CCDC71: variants seen among roughly 807,000 people sequenced by gnomAD.
CCDC71 encodes coiled-coil domain-containing protein 71.
For synonymous variants in CCDC71, 257 were observed against 242.2 expected (o/e 1.06, Z -0.57); for missense variants, 594 against 604.0 (o/e 0.98, Z 0.17).
At position 49,163,291 on chromosome 3, in the gene CCDC71, A is replaced by T. The variant is rs557155356; in HGVS notation, c.918T>A (p.Ala306=). 9 of 1,590,672 alleles carry T rather than the reference A, an allele frequency of 5.7e-6. No homozygotes were observed. Among genetic ancestry groups the T allele is most frequent in the Non-Finnish European group, 7.7e-6 (9 of 1,161,480 alleles). Residue 306 remains alanine (A), a synonymous_variant, in exon 2 of 2, where the codon GCT becomes GCA. Coordinates refer to ENST00000321895, the MANE Select transcript of CCDC71 (RefSeq NM_022903.4). ...CCTTGGCCTTGGCCCGGGCCTTAGC[A>T]GCCTTGGCCTGTGTTCGAGCCACCT... ...QAKVARTQAK[A]AKARAKAKAA...
chr3:49,164,739 C>T lies in CCDC71; in HGVS notation c.-52-479G>A, dbSNP rs138870663. Among the ~76,000 whole-genome samples, 589 of 152,178 alleles carry T rather than the reference C, an allele frequency of 3.9e-3. 4 individuals are homozygous for T. Among genetic ancestry groups the T allele is most frequent in the Middle Eastern group, 0.01 (3 of 294 alleles). Reference sequence around the variant, plus strand: ...GATTCCTGGGAGAGACAACACCTAGCTAGGATATGAGTGATGAATGAAAAA... The same window carrying T: ...GATTCCTGGGAGAGACAACACCTAGTTAGGATATGAGTGATGAATGAAAAA... On this transcript the variant is annotated intron_variant, in intron 1 of 1. Transcript: ENST00000321895.
rs780161913 is a variant in CCDC71, at chr3:49,163,128, T to A, written c.1081A>T (p.Arg361Trp). 1 of 1,614,242 alleles carries A rather than the reference T, an allele frequency of 6.2e-7. No individual in the cohort carries two copies. Among genetic ancestry groups the A allele is most frequent in the Non-Finnish European group, 8.5e-7 (1 of 1,180,046 alleles). Residue 361 changes from arginine to tryptophan, a missense_variant, in exon 2 of 2, where the codon AGG (arginine) becomes TGG (tryptophan). Transcript: ENST00000321895. Reference protein sequence around the residue: ...AKAKVARTQPRGRGRPKGSAK... With the variant: ...AKAKVARTQPWGRGRPKGSAK... ...GATCCCTTTGGCCTGCCTCTGCCCC[T>A]GGGCTGGGTCCGAGCCACCTTGGCC...
In CCDC71 at chr3:49,162,731, G is replaced by A. The variant is rs999930610; in HGVS notation, c.*74C>T. On this transcript the variant is annotated 3_prime_UTR_variant, in exon 2 of 2. Transcript: ENST00000321895. The stretch of plus-strand genomic sequence containing the variant: ...GAGTCCTCAAGATTGTGGAGTCCAC[G>A]GACATAGCACACTGTGCCACTAGCC... The A allele has an allele frequency of 2.9e-4, 427 of 1,472,056 alleles. 2 individuals are homozygous for A. The highest frequency in any genetic ancestry group is 1.2e-3 in the East Asian group (49 of 41,246). The allele number at this position is 1,472,056 out of a possible 1,614,324, so 91.2% of individuals were successfully genotyped here. A position where few individuals can be genotyped will look rare whatever the true frequency, so the allele number is the denominator to read the frequency against.
At position 49,164,266 on chromosome 3, in the gene CCDC71, A is replaced by G. The variant is rs1229756859; in HGVS notation, c.-52-6T>C. The G allele has an allele frequency of 6.5e-7, 1 of 1,534,240 alleles. No individual in the cohort carries two copies. Among genetic ancestry groups the G allele is most frequent in the African/African-American group, 1.4e-5 (1 of 73,224 alleles). Reference sequence around the variant, plus strand: ...CGCAAACCAGCGCTTGGCACCTCCAAGACAAGAGGAAAAGAGTCAATAAGA... The same window carrying G: ...CGCAAACCAGCGCTTGGCACCTCCAGGACAAGAGGAAAAGAGTCAATAAGA... On this transcript the variant is annotated splice_polypyrimidine_tract_variant and splice_region_variant and intron_variant, in intron 1 of 1. Transcript: ENST00000321895.
intron 1 of CCDC71, among the ~76,000 whole-genome samples, chr3:49,165,257 G>A (rs1208564753): frequency 6.6e-6 from 1 of 152,324 alleles, no homozygotes; most frequent in South Asian, 2.1e-4. Flanking sequence ...TGAGTCAAGG[G>A]GACATTAGCG....
At position 49,163,815 on chromosome 3, in the gene CCDC71, C is replaced by A. The variant is rs745468111; in HGVS notation, c.394G>T (p.Ala132Ser). ...SGRLAKASTP[A>S]LAKHATTNLL... is the part of the protein sequence containing the mutation. ...TTGGTGGTAGCATGCTTGGCAAGGGCTGGTGTGGATGCTTTGGCCAGTCTG... is the reference window on the plus strand; with the variant it reads ...TTGGTGGTAGCATGCTTGGCAAGGGATGGTGTGGATGCTTTGGCCAGTCTG... The change falls in exon 2 of 2, where the codon GCC becomes TCC. Residue 132 changes from alanine to serine, a missense_variant. Ala to Ser is a moderately conservative substitution (Grantham distance 99). Coordinates refer to ENST00000321895, the MANE Select transcript of CCDC71 (RefSeq NM_022903.4). The A allele has an allele frequency of 5.6e-6, 9 of 1,614,126 alleles. No homozygotes were observed. The highest frequency in any genetic ancestry group is 6.8e-6 in the Non-Finnish European group (8 of 1,180,026).
intron 1 of CCDC71, among the ~76,000 whole-genome samples, chr3:49,165,352 C>T (rs1248631405): frequency 6.6e-6 from 1 of 152,198 alleles, no homozygotes; most frequent in Non-Finnish European, 1.5e-5. Flanking sequence ...CTAACTACTC[C>T]CAGACTTCTT....
rs773741060 is a variant in CCDC71 at position 49,163,929 on chromosome 3, T to C, written c.280A>G (p.Thr94Ala). Residue 94 changes from threonine (T) to alanine (A), a missense_variant, in exon 2 of 2, where the codon ACT becomes GCT. Thr to Ala is a moderately conservative substitution (Grantham distance 58, BLOSUM62 0). Transcript: ENST00000321895. Reference sequence around the variant, plus strand: ...GCACTGGCTGGAGGTGATGTGGCAGTTGGGTTAGGGGCACGAGCTTGCAGT... The same window carrying C: ...GCACTGGCTGGAGGTGATGTGGCAGCTGGGTTAGGGGCACGAGCTTGCAGT... ...TKLQARAPNP[T>A]ATSPPASAPR... 8.2e-5 allele frequency: 133 copies of C among 1,613,796 alleles called. No individual in the cohort carries two copies. The Admixed American group carries it at 2.2e-3, about 27-fold the overall frequency.
Position 49,163,205 on chromosome 3 carries a change from A to ACTTTGG in CCDC71, c.998_1003dup (p.Ala333_Lys334dup), listed in dbSNP as rs1560085717. 6.4e-7 allele frequency: 1 copy of ACTTTGG among 1,572,208 alleles called. No individual in the cohort carries two copies. The highest frequency in any genetic ancestry group is 8.7e-7 in the Non-Finnish European group (1 of 1,149,874). On this transcript the variant is annotated inframe_insertion, in exon 2 of 2. Coordinates refer to ENST00000321895, the MANE Select transcript of CCDC71 (RefSeq NM_022903.4). ...CTTGGCCTTGGCCCATGCTGCCATG[A>ACTTTGG]CTTTGGCCTTGGCCTTGACCTGTGC...
rs200371442 is a variant in CCDC71 at position 49,162,901 on chromosome 3, C to T, written c.1308G>A (p.Ser436=). Residue 436 remains serine (S), a synonymous_variant, in exon 2 of 2, where the codon TCG becomes TCA. Coordinates refer to ENST00000321895, the MANE Select transcript of CCDC71 (RefSeq NM_022903.4). ...FRAIKVDRRS[S]DDEVRQRAQR... is the part of the protein sequence containing the mutation. The stretch of plus-strand genomic sequence containing the variant: ...GAGCCCGCTGCCGCACCTCATCATC[C>T]GAGGACCGCCTATCTACCTTTATGG... The T allele has an allele frequency of 1.4e-5, 22 of 1,614,252 alleles. 1 individual carries two copies. The Middle Eastern group carries it at 8.2e-4, about 61-fold the overall frequency.
chr3:49,163,586 G>C lies in CCDC71; in HGVS notation c.623C>G (p.Ser208Cys). Residue 208 changes from serine to cysteine, a missense_variant, in exon 2 of 2, where the codon TCT (serine) becomes TGT (cysteine). By Grantham distance (112) the Ser-to-Cys change is moderately radical (BLOSUM62 -1). Coordinates refer to ENST00000321895, the MANE Select transcript of CCDC71 (RefSeq NM_022903.4). ...AQSLQLSLADSPLKLRKSSGK... is the reference protein window; with the variant it reads ...AQSLQLSLADCPLKLRKSSGK... ...TGAACTTTTCCGCAGTTTCAGAGGA[G>C]AGTCTGCAAGTGAGAGCTGCAGTGA... 1.9e-6 allele frequency: 3 copies of C among 1,614,236 alleles called. No individual in the cohort carries two copies. The highest frequency in any genetic ancestry group is 2.5e-6 in the Non-Finnish European group (3 of 1,180,044).
At chr3:49,165,638 C>A (rs1409218058) in intron 1 of CCDC71, among the ~76,000 whole-genome samples, 8 of 152,268 alleles carry the variant, frequency 5.3e-5, no homozygotes, top group South Asian at 2.1e-4. Flanking sequence ...CACTTCCCCT[C>A]CCCAGAGACC....
At chr3:49,164,361 G>C in intron 1 of CCDC71, 101 bp from the exon 2 acceptor site, 1 of 707,844 alleles carries the variant, frequency 1.4e-6, no homozygotes, top group Non-Finnish European at 2.4e-6. Context: ...TGACACTGAG[G>C]AATCTGGCCA....
intron 1 of CCDC71, among the ~76,000 whole-genome samples, chr3:49,165,975 G>T (rs558712974): frequency 6.6e-6 from 1 of 152,230 alleles, no homozygotes; most frequent in South Asian, 2.1e-4. Flanking sequence ...CAGGCAGACC[G>T]GGGGAGGGGG....
chr3:49,163,514 G>A lies in CCDC71; in HGVS notation c.695C>T (p.Thr232Ile), dbSNP rs776197636. 1 of 1,614,232 alleles carries A rather than the reference G, an allele frequency of 6.2e-7. No individual in the cohort carries two copies. Among genetic ancestry groups the A allele is most frequent in the South Asian group, 1.1e-5 (1 of 91,084 alleles). ...NPRPKAPRKT[T>I]SKGPKCLTRK... Reference sequence around the variant, plus strand: ...AGTCAGACACTTGGGGCCCTTGCTTGTGGTTTTTCTGGGAGCTTTGGGCCG... The same window carrying A: ...AGTCAGACACTTGGGGCCCTTGCTTATGGTTTTTCTGGGAGCTTTGGGCCG... The change falls in exon 2 of 2, where the codon ACA becomes ATA. Residue 232 changes from threonine (T) to isoleucine (I), a missense_variant. By Grantham distance (89) the Thr-to-Ile change is moderately conservative. Coordinates refer to ENST00000321895, the MANE Select transcript of CCDC71 (RefSeq NM_022903.4).
chr3:49,165,334 G>A (rs2045716653), intron 1 of CCDC71, among the ~76,000 whole-genome samples: 1 of 152,244 alleles, frequency 6.6e-6, no homozygotes, highest in African/African-American at 2.4e-5. Flanking sequence ...GGAGGTGACT[G>A]AGAACACCTA....
In CCDC71 at chr3:49,163,640, G is replaced by T. The variant is rs1006849593; in HGVS notation, c.569C>A (p.Pro190His). ...TGCCTTGTGCTTGGCACCCAAGCAG[G>T]GCATGGGAGTCTTAAGTGGAACCAG... Reference protein sequence around the residue: ...EALVPLKTPMPCLGAKHKAQS... With the variant: ...EALVPLKTPMHCLGAKHKAQS... The change falls in exon 2 of 2, where the codon CCC becomes CAC. Residue 190 changes from proline (P) to histidine (H), a missense_variant. Transcript: ENST00000321895. 5.6e-6 allele frequency: 9 copies of T among 1,614,006 alleles called. No homozygotes were observed. In the Admixed American group the frequency reaches 8.3e-5, roughly 15 times the overall value.
chr3:49,163,575 G>A lies in CCDC71; in HGVS notation c.634C>T (p.Leu212=), dbSNP rs139389200. Residue 212 remains leucine (L), a synonymous_variant, in exon 2 of 2, where the codon CTG becomes TTG. Coordinates refer to ENST00000321895, the MANE Select transcript of CCDC71 (RefSeq NM_022903.4). The part of the protein sequence containing the change: ...QLSLADSPLK[L]RKSSGKGPGN... Reference sequence around the variant, plus strand: ...GGACCCTTCCCTGAACTTTTCCGCAGTTTCAGAGGAGAGTCTGCAAGTGAG... The same window carrying A: ...GGACCCTTCCCTGAACTTTTCCGCAATTTCAGAGGAGAGTCTGCAAGTGAG... 1 of 1,614,216 alleles carries A rather than the reference G, an allele frequency of 6.2e-7. No homozygotes were observed. Among genetic ancestry groups the A allele is most frequent in the South Asian group, 1.1e-5 (1 of 91,088 alleles).
At position 49,163,281 on chromosome 3, in the gene CCDC71, G is replaced by C. The variant is rs373036352; in HGVS notation, c.928C>G (p.Arg310Gly). 1.0e-5 allele frequency: 16 copies of C among 1,589,914 alleles called. No homozygotes were observed. Among genetic ancestry groups the C allele is most frequent in the Non-Finnish European group, 1.1e-5 (13 of 1,160,946 alleles). Residue 310 changes from arginine (R) to glycine (G), a missense_variant, in exon 2 of 2, where the codon CGG becomes GGG. Physicochemically the swap from Arg to Gly is moderately radical, Grantham distance 125. Coordinates refer to ENST00000321895, the MANE Select transcript of CCDC71 (RefSeq NM_022903.4). The part of the protein sequence containing the change: ...ARTQAKAAKA[R>G]AKAKAAQVKA... The stretch of plus-strand genomic sequence containing the variant: ...ACCTGTGCTGCCTTGGCCTTGGCCC[G>C]GGCCTTAGCAGCCTTGGCCTGTGTT...
Sources: gnomAD v4.1 joint callset for allele counts (sites outside exome capture counted in the v4.1 genomes callset) on GRCh38, gnomAD v4.1.1 for gene constraint, MANE v1.5 for transcripts, NCBI Gene and HGNC (gene_info 2026-07-23, HGNC 2026-07-21) for gene names.